Variants in CHD6 observed in about 807,000 individuals in gnomAD.
CHD6 encodes the protein ATP-dependent chromatin remodeler CHD6.
A neutral mutation model predicts 276.9 loss-of-function variants in CHD6; 50 were observed. The observed-to-expected ratio is 0.18, with a 90% CI of 0.14 to 0.23. The LOEUF (loss-of-function observed/expected upper bound fraction) is 0.23, where lower values mean the gene tolerates loss of function less well. Among genes scored for constraint, CHD6 ranks in the 10% least tolerant of loss-of-function variants. The pLI, the probability that CHD6 is intolerant of heterozygous loss-of-function variation, is 1.00. For synonymous variants in CHD6, 1,173 were observed against 1,229.3 expected, an observed-to-expected ratio of 0.95 and a Z score of 0.96; for missense variants, 2,564 against 3,365.8, an observed-to-expected ratio of 0.76 and a Z score of 5.89.
intron 10 of CHD6, among the ~76,000 whole-genome samples, chr20:41,492,378 T>C (rs1600998856): frequency 6.6e-6 from 1 of 152,242 alleles, no homozygotes; most frequent in African/African-American, 2.4e-5. Context: ...GACACCTCTA[T>C]CTACCTTTCA....
At chr20:41,498,398 GTGGAATACACAGC>G (rs1472442731) in intron 6 of CHD6, among the ~76,000 whole-genome samples, 172 bp from the exon 7 acceptor site, 1 of 152,134 alleles carries the variant, frequency 6.6e-6, no homozygotes, top group African/African-American at 2.4e-5. Context: ...TTTTCCAAAG[GTGGAATACACAGC>G]TGCAAGGTAA....
At chr20:41,503,210 TAGA>T (rs1254278448) in intron 5 of CHD6, among the ~76,000 whole-genome samples, 1 of 152,212 alleles carries the variant, frequency 6.6e-6, no homozygotes, top group Non-Finnish European at 1.5e-5. Flanking sequence ...CGCTAGTTTA[TAGA>T]AATAAAAAAT....
At chr20:41,407,629 G>A (rs967656280) in intron 36 of CHD6, among the ~76,000 whole-genome samples, 1 of 152,218 alleles carries the variant, frequency 6.6e-6, no homozygotes, top group African/African-American at 2.4e-5. Context: ...TTTTATTTAA[G>A]GGGCAGCTGT....
chr20:41,603,317 G>A (rs779588613), intron 1 of CHD6, among the ~76,000 whole-genome samples: 1 of 152,156 alleles, frequency 6.6e-6, no homozygotes, highest in African/African-American at 2.4e-5. Flanking sequence ...ACTCCAGCCT[G>A]GGCAACAGAG....
chr20:41,497,247 C>T (rs1362127781), intron 8 of CHD6, 137 bp downstream of exon 8: 1 of 662,976 alleles, frequency 1.5e-6, no homozygotes, highest in Non-Finnish European at 2.7e-6. Flanking sequence ...AGTTTTGTTG[C>T]AAATCAGCAC....
In CHD6 at chr20:41,442,481, T is replaced by C. The variant is rs139911626; in HGVS notation, c.3878-2352A>G. Among the ~76,000 whole-genome samples the C allele has an allele frequency of 2.7e-3, 418 of 152,170 alleles. 2 individuals are homozygous for C. Among genetic ancestry groups the C allele is most frequent in the Middle Eastern group, 0.024 (7 of 294 alleles). On this transcript the variant is annotated intron_variant, in intron 25 of 36. Transcript: ENST00000373233. ...AAAAAATTCACAAAACCTCAGTCAATGAACAGTCATGTGTTTCTTAACAAA... is the reference window on the plus strand; with the variant it reads ...AAAAAATTCACAAAACCTCAGTCAACGAACAGTCATGTGTTTCTTAACAAA...
intron 1 of CHD6, among the ~76,000 whole-genome samples, chr20:41,601,409 A>G (rs908238827): frequency 1.3e-5 from 2 of 152,204 alleles, no homozygotes; most frequent in Non-Finnish European, 2.9e-5. Flanking sequence ...GATAAGGCAC[A>G]GTCTGTACTT....
intron 11 of CHD6, among the ~76,000 whole-genome samples, 183 bp from the exon 12 acceptor site, chr20:41,490,204 GA>G (rs2043514741): frequency 6.6e-6 from 1 of 152,096 alleles, no homozygotes; most frequent in African/African-American, 2.4e-5. Context: ...TTCCAAAACA[GA>G]ACCATGCTAA....
At chr20:41,451,185 G>A in intron 22 of CHD6, 80 bp from the exon 23 acceptor site, 1 of 1,298,308 alleles carries the variant, frequency 7.7e-7, no homozygotes, top group South Asian at 1.3e-5. Context: ...CTGGGCTGGG[G>A]TTTGTTAGAA....
At position 41,421,496 on chromosome 20, in the gene CHD6, G is replaced by A; in HGVS notation, c.5139C>T (p.Leu1713=). 1.2e-6 allele frequency: 2 copies of A among 1,613,248 alleles called. No individual in the cohort carries two copies. The highest frequency in any genetic ancestry group is 2.2e-5 in the East Asian group (1 of 44,876). The part of the protein sequence containing the change: ...LESMMYGKKV[L]SQEPSSFQES... ...CCTGAAAAGAGCTTGGTTCTTGGCT[G>A]AGCACCTTCTTACCATACATCATGC... is the stretch of plus-strand genomic sequence containing the variant. Residue 1713 remains leucine (L), a synonymous_variant, in exon 31 of 37, where the codon CTC becomes CTT. Coordinates refer to ENST00000373233, the MANE Select transcript of CHD6 (RefSeq NM_032221.5).
At chr20:41,445,850 T>A in intron 24 of CHD6, 82 bp from the exon 25 acceptor site, 1 of 776,412 alleles carries the variant, frequency 1.3e-6, no homozygotes, top group Non-Finnish European at 2.2e-6. Flanking sequence ...CCTACTGGCA[T>A]GCTGAGATGC....
intron 27 of CHD6, among the ~76,000 whole-genome samples, chr20:41,435,261 G>A (rs1195869829): frequency 1.3e-5 from 2 of 152,070 alleles, no homozygotes; most frequent in Non-Finnish European, 2.9e-5. Flanking sequence ...TAGACAAACA[G>A]AAAAGTTTCA....
chr20:41,490,180 C>A (rs1422482470), intron 11 of CHD6, among the ~76,000 whole-genome samples, 159 bp from the exon 12 acceptor site: 1 of 152,080 alleles, frequency 6.6e-6, no homozygotes, highest in Non-Finnish European at 1.5e-5. Flanking sequence ...TATTATTATT[C>A]CTACTTTGCC....
rs957449407 is a variant in CHD6 at position 41,440,274 on chromosome 20, A to C, written c.3878-145T>G. On this transcript the variant is annotated intron_variant, in intron 25 of 36. Transcript: ENST00000373233. ...TATTTAAGATTAATGAGATCCTATAAGACTATCAGGGAAAAATCCTGGTGC... is the reference window on the plus strand; with the variant it reads ...TATTTAAGATTAATGAGATCCTATACGACTATCAGGGAAAAATCCTGGTGC... The C allele has an allele frequency of 2.9e-5, 22 of 750,108 alleles. No homozygotes were observed. In the Admixed American group the frequency reaches 6.2e-4, roughly 21 times the overall value. 46.5% of individuals were successfully genotyped at this position (750,108 alleles called of 1,614,324 possible).
chr20:41,509,488 G>A (rs997412236), intron 5 of CHD6, among the ~76,000 whole-genome samples: 4 of 152,122 alleles, frequency 2.6e-5, no homozygotes, highest in African/African-American at 4.8e-5. Flanking sequence ...TCCCCAGCTC[G>A]GAGGAGCAAG....
intron 1 of CHD6, among the ~76,000 whole-genome samples, chr20:41,576,152 GAC>G (rs2045472262): frequency 6.6e-6 from 1 of 152,046 alleles, no homozygotes; most frequent in African/African-American, 2.4e-5. Context: ...TTTGCAGGAA[GAC>G]ACAAACATCT....
Position 41,421,249 on chromosome 20 carries a change from C to T in CHD6, c.5386G>A (p.Gly1796Arg). 1 of 1,614,084 alleles carries T rather than the reference C, an allele frequency of 6.2e-7. No individual in the cohort carries two copies. Residue 1796 changes from glycine to arginine, a missense_variant, in exon 31 of 37, where the codon GGA (glycine) becomes AGA (arginine). By Grantham distance (125) the Gly-to-Arg change is moderately radical. Around this residue, in one of 7 missense-constraint regions of CHD6, gnomAD observed 1,024 missense variants for 1,047.9 expected, o/e 0.98. Transcript: ENST00000373233. ...KEGELCCSEAGQRPENIGQLE... is the reference protein window; with the variant it reads ...KEGELCCSEARQRPENIGQLE... ...TGGCCAATGTTTTCAGGTCTCTGTC[C>T]TGCCTCACTGCAGCAGAGCTCCCCT...
At chr20:41,499,226 C>T (rs1440170148) in intron 6 of CHD6, 69 bp downstream of exon 6, 22 of 1,265,382 alleles carry the variant, frequency 1.7e-5, no homozygotes, top group Non-Finnish European at 2.3e-5. Context: ...GGTTCTCTAG[C>T]CAAAAATCTC....
chr20:41,434,798 C>G (rs2047655864), intron 27 of CHD6, among the ~76,000 whole-genome samples: 1 of 152,192 alleles, frequency 6.6e-6, no homozygotes, highest in South Asian at 2.1e-4. Context: ...ATTCTTCTCT[C>G]AACAACTGAT....
Sources: gnomAD v4.1 joint callset for allele counts (sites outside exome capture counted in the v4.1 genomes callset) on GRCh38, gnomAD v4.1.1 for gene constraint, gnomAD v4.1.1 regional missense constraint, MANE v1.5 for transcripts, NCBI Gene and HGNC (gene_info 2026-07-23, HGNC 2026-07-21) for gene names.